The following RBM4 variants were observed in gnomAD, a reference collection of about 807,000 sequenced individuals.
RBM4 encodes RNA binding motif protein 4.
A neutral mutation model predicts 29.5 loss-of-function variants in RBM4; 7 were observed. That is an observed-to-expected ratio of 0.24 (90% CI 0.14 to 0.45). The LOEUF is 0.45. Ranked by LOEUF, RBM4 falls within the 20% of genes least tolerant of loss-of-function variation. The probability of loss-of-function intolerance (pLI) is 1.00; values close to 1 mark genes in which losing one functional copy is unlikely to be tolerated. For missense variants in RBM4, 387 were observed against 502.3 expected (o/e 0.77, Z 2.19); for synonymous variants, 220 against 205.4 (o/e 1.07, Z -0.61).
rs1938542125 is a variant in RBM4 at position 66,643,218 on chromosome 11, C to G, written c.413-232C>G. 6.6e-6 allele frequency among the ~76,000 whole-genome samples: 1 copy of G among 151,622 alleles called. No homozygotes were observed. Among genetic ancestry groups the G allele is most frequent in the South Asian group, 2.1e-4 (1 of 4,808 alleles). ...GTAGTTTATTTCTTAAGCATTTAAA[C>G]TGTTGTTATAGCTGAAATATTTCTT... On this transcript the variant is annotated intron_variant, in intron 2 of 3. Transcript: ENST00000310092. This position sits in a 1 kb window ranked among gnomAD's most constrained non-coding sequence, Gnocchi z 6.1.
downstream of RBM4, among the ~76,000 whole-genome samples, chr11:66,649,225 A>G (rs1264754420): frequency 6.6e-6 from 1 of 152,074 alleles, no homozygotes; most frequent in Non-Finnish European, 1.5e-5. Context: ...GCTGGTCTCA[A>G]ACTCCTGGAC....
intron 2 of RBM4, among the ~76,000 whole-genome samples, chr11:66,657,410 C>T (rs1938969947): frequency 6.6e-6 from 1 of 151,634 alleles, no homozygotes; most frequent in South Asian, 2.1e-4. Flanking sequence ...AGGCCGGGCG[C>T]GGTGGCTCAC....
At chr11:66,662,217 C>CA (rs1313884312) in intron 2 of RBM4, among the ~76,000 whole-genome samples, 16 of 152,190 alleles carry the variant, frequency 1.1e-4, no homozygotes, top group African/African-American at 3.9e-4. Context: ...ATAAAAAACT[C>CA]AGTTTCTCAG....
chr11:66,666,158 G>T, exon 3 of RBM4: 1 of 758,598 alleles, frequency 1.3e-6, no homozygotes, highest in Non-Finnish European at 1.9e-6. Flanking sequence ...TCCCCTAATT[G>T]ACCAAATCTC....
chr11:66,665,522 C>T (rs747332336), intron 2 of RBM4: 19 of 1,382,448 alleles, frequency 1.4e-5, no homozygotes, highest in Middle Eastern at 1.7e-4. Context: ...GGGGACCGCG[C>T]GGAGCAAGTT....
rs752228519 is a variant in RBM4 at position 66,643,951 on chromosome 11, G to GGCGGGATC, written c.916_923dup (p.Ser309GlyfsTer62). ...ACTGCAGCTTCCACTTCATATTACG[G>GGCGGGATC]GCGGGATCGGAGCCCCCTGCGTCGC... is the stretch of plus-strand genomic sequence containing the variant. On this transcript the variant is annotated frameshift_variant, in exon 3 of 4. Coordinates refer to ENST00000310092, the MANE Select transcript of RBM4 (RefSeq NM_002896.4). LOFTEE classifies it high-confidence loss of function. This position sits in a 1 kb window ranked among gnomAD's most constrained non-coding sequence, Gnocchi z 6.1. 6.2e-7 allele frequency: 1 copy of GGCGGGATC among 1,613,018 alleles called. No homozygotes were observed. The highest frequency in any genetic ancestry group is 8.5e-7 in the Non-Finnish European group (1 of 1,179,980).
At chr11:66,653,255 C>T (rs561760358) in intron 2 of RBM4, among the ~76,000 whole-genome samples, 17 of 152,196 alleles carry the variant, frequency 1.1e-4, no homozygotes, top group East Asian at 7.7e-4. Context: ...CTGCCTCTGC[C>T]GCCCCTGAGA....
chr11:66,644,413 T>TTCACCAG, intron 3 of RBM4: 1 of 444,674 alleles, frequency 2.2e-6, no homozygotes, highest in Non-Finnish European at 3.9e-6. Context: ...TGCTGGTGAA[T>TTCACCAG]CTTGGGTCAC....
At chr11:66,640,271 G>A in intron 2 of RBM4, 148 bp downstream of exon 2, 1 of 1,080,162 alleles carries the variant, frequency 9.3e-7, no homozygotes, top group African/African-American at 1.6e-5. Context: ...TTCTTATGAT[G>A]TAGAATGCAT....
rs1938549685 is a variant in RBM4 at position 66,643,352 on chromosome 11, T to C, written c.413-98T>C. 2 of 1,429,390 alleles carry C rather than the reference T, an allele frequency of 1.4e-6. No individual in the cohort carries two copies. Among genetic ancestry groups the C allele is most frequent in the Non-Finnish European group, 1.9e-6 (2 of 1,062,026 alleles). The allele number at this position is 1,429,390 out of a possible 1,614,324, so 88.5% of individuals were successfully genotyped here. A position where few individuals can be genotyped will look rare whatever the true frequency, so the allele number is the denominator to read the frequency against. ...CCTAAAGATGAGTCCTGCATTAGAATTGTCTAGATAAAGCCATTGCTATGA... is the reference window on the plus strand; with the variant it reads ...CCTAAAGATGAGTCCTGCATTAGAACTGTCTAGATAAAGCCATTGCTATGA... On this transcript the variant is annotated intron_variant, in intron 2 of 3. Coordinates refer to ENST00000310092, the MANE Select transcript of RBM4 (RefSeq NM_002896.4). This position sits in a 1 kb window ranked among gnomAD's most constrained non-coding sequence, Gnocchi z 6.1.
intron 2 of RBM4, among the ~76,000 whole-genome samples, chr11:66,655,824 C>T (rs376534901): frequency 2.0e-5 from 3 of 152,074 alleles, no homozygotes; most frequent in Non-Finnish European, 2.9e-5. Flanking sequence ...GGCCTTCACT[C>T]TGAGTCAACT....
chr11:66,650,520 G>T (rs1230698281), downstream of RBM4, among the ~76,000 whole-genome samples: 1 of 151,598 alleles, frequency 6.6e-6, no homozygotes, highest in East Asian at 1.9e-4. Context: ...GCAGTGAGCT[G>T]AGATTGCGCC....
intron 1 of RBM4, 135 bp from the exon 2 acceptor site, chr11:66,639,565 A>G: frequency 8.9e-7 from 1 of 1,121,300 alleles, no homozygotes; most frequent in East Asian, 2.5e-5. Context: ...CTTCCATTTG[A>G]TTATTGTGTG....
chr11:66,644,819 C>A, intron 3 of RBM4: 2 of 470,088 alleles, frequency 4.3e-6, no homozygotes, highest in Non-Finnish European at 5.6e-6. Context: ...TAGATGCTAA[C>A]ACTCACCTTC....
Position 66,643,407 on chromosome 11 carries a change from G to C in RBM4, c.413-43G>C. 6.4e-7 allele frequency: 1 copy of C among 1,566,748 alleles called. No homozygotes were observed. The highest frequency in any genetic ancestry group is 8.7e-7 in the Non-Finnish European group (1 of 1,152,894). On this transcript the variant is annotated intron_variant, in intron 2 of 3. Transcript: ENST00000310092. The surrounding 1 kb of genome is among the most constrained non-coding windows in gnomAD (Gnocchi z 6.1). Reference sequence around the variant, plus strand: ...TGTCTGGGGTAGGGGCTGGGGCTATGACTAAGAGTGATAGCAACCCTTCTT... The same window carrying C: ...TGTCTGGGGTAGGGGCTGGGGCTATCACTAAGAGTGATAGCAACCCTTCTT...
chr11:66,659,527 C>T (rs1939032973), intron 2 of RBM4, among the ~76,000 whole-genome samples: 1 of 152,040 alleles, frequency 6.6e-6, no homozygotes, highest in Non-Finnish European at 1.5e-5. Context: ...GTTCTGCCCG[C>T]CTTGGCCTCC....
intron 2 of RBM4, among the ~76,000 whole-genome samples, chr11:66,662,029 C>T (rs1939093138): frequency 6.6e-6 from 1 of 151,906 alleles, no homozygotes; most frequent in Non-Finnish European, 1.5e-5. Context: ...GACTCCATCT[C>T]AAAACAAAAA....
At chr11:66,639,227 A>C (rs2135050628) in intron 1 of RBM4, 1 of 158,106 alleles carries the variant, frequency 6.3e-6, no homozygotes, top group East Asian at 1.9e-4. Context: ...CGCGTTCATT[A>C]CTTCCAAAGG....
chr11:66,661,246 A>C (rs1939078617), intron 2 of RBM4, among the ~76,000 whole-genome samples: 1 of 152,186 alleles, frequency 6.6e-6, no homozygotes, highest in Non-Finnish European at 1.5e-5. Flanking sequence ...TTGATCTTCC[A>C]ACAAACTGAC....
Sources: allele counts gnomAD v4.1 joint callset (sites outside exome capture counted in the v4.1 genomes callset), GRCh38; gene constraint gnomAD v4.1.1; non-coding constraint Gnocchi (gnomAD v3.1); transcripts MANE v1.5; gene names NCBI Gene and HGNC (gene_info 2026-07-23, HGNC 2026-07-21).